Variants in SOX6 observed in about 807,000 individuals in gnomAD.
SOX6 encodes SRY-box transcription factor 6, also known as transcription factor SOX-6.
A neutral mutation model predicts 97.8 loss-of-function variants in SOX6; 11 were observed. The ratio of observed to expected loss-of-function variants is 0.11; its 90% CI spans 0.07 to 0.19. The LOEUF (loss-of-function observed/expected upper bound fraction) is 0.19, where lower values mean the gene tolerates loss of function less well. SOX6 is among the 10% of genes least tolerant of loss of function. SOX6 has a pLI of 1.00. For missense variants in SOX6, 810 were observed against 1,039.5 expected, an observed-to-expected ratio of 0.78 and a Z score of 3.04; for synonymous variants, 360 against 371.4, an observed-to-expected ratio of 0.97 and a Z score of 0.35.
chr11:16,690,510 G>A (rs1305564363), intron 3 of SOX6, among the ~76,000 whole-genome samples: 2 of 152,164 alleles, frequency 1.3e-5, no homozygotes, highest in African/African-American at 4.8e-5. Flanking sequence ...AGTTTTAATA[G>A]TATAAGGGAT....
intron 3 of SOX6, among the ~76,000 whole-genome samples, chr11:16,639,748 C>T (rs1030437516): frequency 6.6e-6 from 1 of 152,064 alleles, no homozygotes; most frequent in Non-Finnish European, 1.5e-5. Flanking sequence ...ATGATTTTTG[C>T]ACATTGATTT....
intron 3 of SOX6, among the ~76,000 whole-genome samples, chr11:16,705,264 GA>G (rs570406154): frequency 3.6e-4 from 49 of 135,956 alleles, no homozygotes; most frequent in South Asian, 2.8e-3. Flanking sequence ...TCTCAAAAAA[GA>G]AAAAAAAAAA....
chr11:16,573,773 A>G (rs113662265), intron 4 of SOX6, among the ~76,000 whole-genome samples: 20 of 152,316 alleles, frequency 1.3e-4, no homozygotes, highest in African/African-American at 2.6e-4. Context: ...TTACTACTTA[A>G]TTAATATTTG....
At chr11:16,182,373 A>G (rs1479177076) in intron 6 of SOX6, among the ~76,000 whole-genome samples, 4 of 151,862 alleles carry the variant, frequency 2.6e-5, no homozygotes, top group Non-Finnish European at 4.4e-5. Flanking sequence ...CGATCATGTT[A>G]TTTAACACCT....
intron 3 of SOX6, among the ~76,000 whole-genome samples, chr11:16,704,671 A>T (rs1848118635): frequency 6.6e-6 from 1 of 152,212 alleles, no homozygotes; most frequent in South Asian, 2.1e-4. Flanking sequence ...CATTATATGT[A>T]CCTATAGAAT....
At chr11:16,590,748 A>G (rs1321320446) in intron 4 of SOX6, among the ~76,000 whole-genome samples, 1 of 152,094 alleles carries the variant, frequency 6.6e-6, no homozygotes, top group Non-Finnish European at 1.5e-5. Flanking sequence ...TAAAAAAAAA[A>G]TTAAAACAAT....
chr11:16,477,901 G>C (rs1860283352), upstream of SOX6, among the ~76,000 whole-genome samples: 1 of 152,158 alleles, frequency 6.6e-6, no homozygotes, highest in Admixed American at 6.5e-5. Flanking sequence ...AGGACAGTCT[G>C]GCTAGCTCTG....
chr11:16,025,451 C>T (rs1166435391), intron 12 of SOX6, among the ~76,000 whole-genome samples: 1 of 152,142 alleles, frequency 6.6e-6, no homozygotes, highest in Non-Finnish European at 1.5e-5. Flanking sequence ...CTAACATGTA[C>T]CATATGAACA....
At chr11:16,549,724 A>C (rs1004075063) in intron 4 of SOX6, among the ~76,000 whole-genome samples, 1 of 152,196 alleles carries the variant, frequency 6.6e-6, no homozygotes, top group Non-Finnish European at 1.5e-5. Flanking sequence ...AAAAAAACAA[A>C]TTGTCACACA....
chr11:16,428,988 C>T (rs1171779612), intron 1 of SOX6, among the ~76,000 whole-genome samples: 1 of 151,934 alleles, frequency 6.6e-6, no homozygotes, highest in Non-Finnish European at 1.5e-5. Flanking sequence ...TGTTTGTATC[C>T]TCTTTTATTT....
At chr11:16,061,784 G>A (rs1847963880) in intron 9 of SOX6, among the ~76,000 whole-genome samples, 1 of 151,612 alleles carries the variant, frequency 6.6e-6, no homozygotes, top group Non-Finnish European at 1.5e-5. Flanking sequence ...ATAAGAACAT[G>A]TATTGGCAAA....
chr11:16,161,386 T>TTG (rs977459368), intron 6 of SOX6, among the ~76,000 whole-genome samples: 32 of 147,712 alleles, frequency 2.2e-4, no homozygotes, highest in South Asian at 2.1e-4. Context: ...ATATATAGTC[T>TTG]TGTATATATA....
intron 15 of SOX6, among the ~76,000 whole-genome samples, chr11:15,983,413 G>T (rs1460068453): frequency 5.9e-5 from 9 of 152,032 alleles, no homozygotes; most frequent in Non-Finnish European, 1.3e-4. Flanking sequence ...TAAAATGCAT[G>T]AAAATGTTGA....
intron 13 of SOX6, among the ~76,000 whole-genome samples, chr11:16,005,902 G>A (rs1000387263): frequency 5.9e-5 from 9 of 151,682 alleles, no homozygotes; most frequent in Non-Finnish European, 1.0e-4. Context: ...TTTCCCCTCT[G>A]GTACTATGAC....
intron 6 of SOX6, among the ~76,000 whole-genome samples, chr11:16,114,514 T>A (rs1211260468): frequency 6.6e-6 from 1 of 152,222 alleles, no homozygotes; most frequent in Non-Finnish European, 1.5e-5. Flanking sequence ...CTTTCTTATA[T>A]GGTTTGCATA....
At chr11:16,019,095 C>T (rs1854973898) in intron 12 of SOX6, among the ~76,000 whole-genome samples, 2 of 152,092 alleles carry the variant, frequency 1.3e-5, no homozygotes, top group Admixed American at 6.6e-5. Flanking sequence ...TTGCAGCCAT[C>T]TCCTGAAAAA....
intron 1 of SOX6, among the ~76,000 whole-genome samples, chr11:16,453,162 G>A (rs1037354234): frequency 6.6e-6 from 1 of 152,056 alleles, no homozygotes; most frequent in Non-Finnish European, 1.5e-5. Flanking sequence ...CTATGAGTGG[G>A]TTTTTGTTAC....
At chr11:16,257,822 G>A (rs927794408) in intron 3 of SOX6, among the ~76,000 whole-genome samples, 1 of 149,794 alleles carries the variant, frequency 6.7e-6, no homozygotes, top group African/African-American at 2.5e-5. Flanking sequence ...ATAAAGGAAT[G>A]TTAGCCAAAA....
intron 4 of SOX6, among the ~76,000 whole-genome samples, chr11:16,549,178 T>A (rs116820603): frequency 0.014 from 2,089 of 151,230 alleles, 52 homozygotes; most frequent in African/African-American, 0.049. Flanking sequence ...CTAAAAAAAA[T>A]TTTTTTTTGA....
Sources: gnomAD v4.1 joint callset for allele counts (sites outside exome capture counted in the v4.1 genomes callset) on GRCh38, gnomAD v4.1.1 for gene constraint, MANE v1.5 for transcripts, NCBI Gene and HGNC (gene_info 2026-07-23, HGNC 2026-07-21) for gene names.